The following LRIG3 variants were observed in gnomAD, a reference collection of about 807,000 sequenced individuals.
LRIG3 encodes leucine rich repeats and immunoglobulin like domains 3, also known as leucine-rich repeats and immunoglobulin-like domains protein 3.
In LRIG3, 76 loss-of-function variants were observed where a neutral mutation model predicts 114.5. The ratio of observed to expected loss-of-function variants is 0.66; its 90% CI spans 0.55 to 0.80. LRIG3 has a LOEUF of 0.80. LRIG3 is among the 30% of genes least tolerant of loss of function. The pLI is 0.00. For synonymous variants in LRIG3, 512 were observed against 519.8 expected, an observed-to-expected ratio of 0.98 and a Z score of 0.20; for missense variants, 1,239 against 1,382.8, an observed-to-expected ratio of 0.90 and a Z score of 1.65.
At chr12:58,887,213 T>C (rs1039324434) in intron 8 of LRIG3, among the ~76,000 whole-genome samples, 6 of 152,318 alleles carry the variant, frequency 3.9e-5, no homozygotes, top group Non-Finnish European at 7.4e-5. Context: ...CAACCACGCA[T>C]GCAGAAGTTC....
intron 6 of LRIG3, 144 bp downstream of exon 6, chr12:58,888,675 T>A: frequency 7.6e-7 from 1 of 1,316,388 alleles, no homozygotes; most frequent in Non-Finnish European, 1.0e-6. Flanking sequence ...TCACATTACC[T>A]GAATCAAAAC....
intron 16 of LRIG3, among the ~76,000 whole-genome samples, chr12:58,875,260 G>GT (rs1162046534): frequency 2.6e-5 from 4 of 152,182 alleles, no homozygotes; most frequent in Non-Finnish European, 5.9e-5. Flanking sequence ...TTTTCCTTAA[G>GT]TGTCTTTTCA....
At chr12:58,888,587 T>G in intron 6 of LRIG3, 115 bp from the exon 7 acceptor site, 1 of 1,409,844 alleles carries the variant, frequency 7.1e-7, no homozygotes, top group Non-Finnish European at 9.5e-7. Flanking sequence ...ATGTTTAGCT[T>G]TTGTTATATG....
At chr12:58,886,758 CA>C in intron 9 of LRIG3, 51 bp downstream of exon 9, 8 of 1,532,188 alleles carry the variant, frequency 5.2e-6, no homozygotes, top group Middle Eastern at 1.7e-4. Context: ...TCAGTGAAGA[CA>C]AAATTTTTAA....
At chr12:58,900,971 G>A (rs545066556) in intron 3 of LRIG3, among the ~76,000 whole-genome samples, 1 of 152,270 alleles carries the variant, frequency 6.6e-6, no homozygotes, top group Non-Finnish European at 1.5e-5. Flanking sequence ...GTGGCCCCGT[G>A]CTGTCGACAT....
Position 58,880,828 on chromosome 12 carries a change from G to A in LRIG3, c.1554C>T (p.Phe518=). Residue 518 remains phenylalanine (F), a synonymous_variant, in exon 13 of 19, where the codon TTC becomes TTT. Transcript: ENST00000320743. ...CACTGCTGCTGGCAGCTGAGCAGAT[G>A]AAACTCAAATTGGAACCTTTTATTG... ...QSAIKGSNLS[F]ICSAASSSDS... The A allele has an allele frequency of 6.2e-7, 1 of 1,614,222 alleles. No homozygotes were observed. Among genetic ancestry groups the A allele is most frequent in the Non-Finnish European group, 8.5e-7 (1 of 1,180,026 alleles).
chr12:58,886,260 T>C (rs1047922428), intron 9 of LRIG3, among the ~76,000 whole-genome samples: 1 of 152,046 alleles, frequency 6.6e-6, no homozygotes, highest in Non-Finnish European at 1.5e-5. Context: ...TTCCTCTCCT[T>C]CTCTGTGGAT....
At chr12:58,913,422 T>A (rs992039575) in intron 3 of LRIG3, 4 of 152,286 alleles carry the variant, frequency 2.6e-5, no homozygotes, top group African/African-American at 9.6e-5. Flanking sequence ...CTTAATTGTA[T>A]TTGAAAACTC....
At position 58,881,294 on chromosome 12, in the gene LRIG3, T is replaced by C. The variant is rs1871120202; in HGVS notation, c.1481-393A>G. Among the ~76,000 whole-genome samples the C allele has an allele frequency of 2.0e-5, 3 of 152,002 alleles. 1 individual carries two copies. The highest frequency in any genetic ancestry group is 2.0e-4 in the Admixed American group (3 of 15,242). On this transcript the variant is annotated intron_variant, in intron 12 of 18. Transcript: ENST00000320743. ...AGAAACTGCAATTGTTCCCATGTTC[T>C]CCCCAGATAATGAGCAGCAAAATTA...
intron 13 of LRIG3, chr12:58,880,318 A>G: frequency 1.7e-6 from 1 of 592,546 alleles, no homozygotes; most frequent in Non-Finnish European, 3.0e-6. Flanking sequence ...AAAAAAGAAA[A>G]AGAAAAAAAA....
At chr12:58,879,467 T>G (rs73354912) in intron 13 of LRIG3, among the ~76,000 whole-genome samples, 5,042 of 152,294 alleles carry the variant, frequency 0.033, 279 homozygotes, top group African/African-American at 0.11. Flanking sequence ...TCATCTATTT[T>G]TTTTTTAAAG....
Position 58,887,871 on chromosome 12 carries a change from G to C in LRIG3, c.1009C>G (p.Leu337Val). 2.5e-6 allele frequency: 4 copies of C among 1,613,946 alleles called. No individual in the cohort carries two copies. Among genetic ancestry groups the C allele is most frequent in the Non-Finnish European group, 3.4e-6 (4 of 1,179,882 alleles). ...TTGTTCCCAATGTGCAGTGTATTTA[G>C]TAAGCTTAGGCCAAGGAAGCTTGAA... ...DDSSFLGLSL[L>V]NTLHIGNNRV... is the part of the protein sequence containing the mutation. Residue 337 changes from leucine (L) to valine (V), a missense_variant, in exon 8 of 19, where the codon CTA (leucine) becomes GTA (valine). By Grantham distance (32) the Leu-to-Val change is conservative. Coordinates refer to ENST00000320743, the MANE Select transcript of LRIG3 (RefSeq NM_153377.5).
intron 3 of LRIG3, among the ~76,000 whole-genome samples, chr12:58,904,936 A>T (rs1872003279): frequency 6.6e-6 from 1 of 152,206 alleles, no homozygotes; most frequent in African/African-American, 2.4e-5. Flanking sequence ...GATAAAGTAG[A>T]CATTATAATA....
At chr12:58,884,326 G>T (rs752639161) in intron 10 of LRIG3, among the ~76,000 whole-genome samples, 1 of 152,168 alleles carries the variant, frequency 6.6e-6, no homozygotes, top group Non-Finnish European at 1.5e-5. Flanking sequence ...TCACCACAAT[G>T]ATTACCACTC....
At chr12:58,903,803 C>G (rs1051060489) in intron 3 of LRIG3, among the ~76,000 whole-genome samples, 23 of 151,882 alleles carry the variant, frequency 1.5e-4, no homozygotes, top group African/African-American at 5.6e-4. Flanking sequence ...GTTTTCCCAG[C>G]AGCATTTATT....
At chr12:58,877,934 A>G (rs1870985296) in intron 14 of LRIG3, 82 bp from the exon 15 acceptor site, 5 of 1,351,664 alleles carry the variant, frequency 3.7e-6, no homozygotes, top group Non-Finnish European at 5.0e-6. Flanking sequence ...AACTTATTCA[A>G]ATTGTAACCT....
chr12:58,907,454 A>G (rs771559162), intron 3 of LRIG3, among the ~76,000 whole-genome samples: 6 of 152,128 alleles, frequency 3.9e-5, no homozygotes, highest in Non-Finnish European at 5.9e-5. Flanking sequence ...TGCCAGGATA[A>G]TGTTTCTAAA....
chr12:58,911,777 G>C (rs1872283194), intron 3 of LRIG3, among the ~76,000 whole-genome samples: 1 of 152,068 alleles, frequency 6.6e-6, no homozygotes, highest in Non-Finnish European at 1.5e-5. Flanking sequence ...AAAAGTGCTT[G>C]AGAAACAATA....
At chr12:58,918,335 G>C (rs982158931) in intron 1 of LRIG3, among the ~76,000 whole-genome samples, 3 of 152,144 alleles carry the variant, frequency 2.0e-5, no homozygotes, top group Non-Finnish European at 4.4e-5. Context: ...CTACTTTTAA[G>C]ACAATGTTTA....
Sources: gnomAD v4.1 joint callset for allele counts (sites outside exome capture counted in the v4.1 genomes callset) on GRCh38, gnomAD v4.1.1 for gene constraint, MANE v1.5 for transcripts, NCBI Gene and HGNC (gene_info 2026-07-23, HGNC 2026-07-21) for gene names.